Variants in KLHL4 observed in about 807,000 individuals in gnomAD.
KLHL4 encodes the protein kelch like family member 4.
Under a neutral mutation model 45.8 loss-of-function variants are expected in KLHL4, and 17 were observed. The observed-to-expected ratio is 0.37, with a 90% CI of 0.25 to 0.56. KLHL4 has a LOEUF of 0.56. Among genes scored for constraint, KLHL4 ranks in the 20% least tolerant of loss-of-function variants. The pLI is 0.79. For synonymous variants in KLHL4, 224 were observed against 189.9 expected (o/e 1.18, Z -1.47); for missense variants, 544 against 544.9 (o/e 1.00, Z 0.02).
chrX:87,572,594 A>G (rs4828182), intron 1 of KLHL4, among the ~76,000 whole-genome samples: 26,229 of 110,013 alleles, frequency 0.24, 2,653 homozygotes, highest in East Asian at 0.51. Context: ...AACCATTACA[A>G]TCAGATTTAC....
intron 1 of KLHL4, among the ~76,000 whole-genome samples, chrX:87,537,436 TACA>T (rs1931455739): frequency 9.0e-6 from 1 of 111,031 alleles, no homozygotes; most frequent in Non-Finnish European, 1.9e-5. Context: ...AAATGGAAAT[TACA>T]ACAATGATTC....
chrX:87,527,144 G>A (rs1041574885), intron 1 of KLHL4, among the ~76,000 whole-genome samples: 8 of 111,893 alleles, frequency 7.1e-5, no homozygotes, highest in Non-Finnish European at 1.5e-4. Context: ...AGTTTTCCCA[G>A]GCAGTTAGAA....
chrX:87,523,885 C>T (rs186843773), intron 1 of KLHL4, among the ~76,000 whole-genome samples: 162 of 111,059 alleles, frequency 1.5e-3, no homozygotes, highest in African/African-American at 4.8e-3. Flanking sequence ...ATTGCTTGAA[C>T]GCAGGAGGCA....
intron 1 of KLHL4, among the ~76,000 whole-genome samples, chrX:87,520,086 T>A (rs1222562263): frequency 8.9e-6 from 1 of 111,954 alleles, no homozygotes; most frequent in Non-Finnish European, 1.9e-5. Context: ...CAGGAAATGG[T>A]TTTATAGGTG....
chrX:87,632,920 A>C (rs767329642), intron 7 of KLHL4, among the ~76,000 whole-genome samples: 1 of 111,360 alleles, frequency 9.0e-6, no homozygotes, highest in African/African-American at 3.3e-5. Flanking sequence ...CCTTTTTTTT[A>C]ATCTGATTTT....
At chrX:87,551,386 G>T (rs995644826) in intron 1 of KLHL4, among the ~76,000 whole-genome samples, 2 of 111,376 alleles carry the variant, frequency 1.8e-5, no homozygotes, top group Non-Finnish European at 3.8e-5. Flanking sequence ...CATGCTCACA[G>T]ATGGGTAGAA....
chrX:87,587,150 C>CAAAAAAAAAAAAAA (rs1197848253), intron 1 of KLHL4, among the ~76,000 whole-genome samples: 2 of 47,810 alleles, frequency 4.2e-5, no homozygotes, highest in African/African-American at 8.1e-5. Flanking sequence ...TAAAATAAAG[C>CAAAAAAAAAAAAAA]AAAAAAAAAA....
chrX:87,640,218 A>T (rs1923407197), intron 9 of KLHL4, among the ~76,000 whole-genome samples: 1 of 111,484 alleles, frequency 9.0e-6, no homozygotes, highest in African/African-American at 3.3e-5. Flanking sequence ...CCAACAAAAA[A>T]AGTCTAGGTC....
At chrX:87,600,440 G>A (rs1253614470) in intron 1 of KLHL4, among the ~76,000 whole-genome samples, 2 of 102,170 alleles carry the variant, frequency 2.0e-5, no homozygotes, top group African/African-American at 3.6e-5. Flanking sequence ...CTGAGATGGC[G>A]CCACTGCACT....
chrX:87,528,673 G>T (rs1440028284), intron 1 of KLHL4, among the ~76,000 whole-genome samples: 1 of 81,522 alleles, frequency 1.2e-5, no homozygotes, highest in African/African-American at 4.9e-5. Flanking sequence ...CCAAGATTGC[G>T]CCACTGCATT....
intron 1 of KLHL4, among the ~76,000 whole-genome samples, chrX:87,602,032 A>C (rs1293602709): frequency 9.0e-6 from 1 of 111,113 alleles, no homozygotes; most frequent in Non-Finnish European, 1.9e-5. Context: ...AAAAAGCAAA[A>C]TTAATAAATA....
chrX:87,573,565 A>G (rs997166035), intron 1 of KLHL4, among the ~76,000 whole-genome samples: 30 of 111,378 alleles, frequency 2.7e-4, no homozygotes, highest in Non-Finnish European at 5.1e-4. Flanking sequence ...TATATGAAGT[A>G]TTAGTATTAT....
intron 1 of KLHL4, among the ~76,000 whole-genome samples, chrX:87,591,612 C>T (rs188127020): frequency 3.6e-5 from 4 of 111,748 alleles, no homozygotes; most frequent in African/African-American, 1.3e-4. Flanking sequence ...TGTCTTCACT[C>T]TATGGTTGCC....
At position 87,549,541 on chromosome X, in the gene KLHL4, G is replaced by A. The variant is rs188712703; in HGVS notation, c.422+31226G>A. Among the ~76,000 whole-genome samples, 402 of 111,260 alleles carry A rather than the reference G, an allele frequency of 3.6e-3. 6 individuals are homozygous for A. In the South Asian group the frequency reaches 0.052, roughly 14 times the overall value. ...GTTAGGTCACAAAATAAGTCTTCAC[G>A]CATTGAAAATTTTAAACAATATGAA... On this transcript the variant is annotated intron_variant, in intron 1 of 10. Coordinates refer to ENST00000373119, the MANE Select transcript of KLHL4 (RefSeq NM_019117.5).
chrX:87,560,959 T>C (rs1217971040), intron 1 of KLHL4, among the ~76,000 whole-genome samples: 1 of 111,219 alleles, frequency 9.0e-6, no homozygotes, highest in Non-Finnish European at 1.9e-5. Context: ...TGCAGAAGAA[T>C]GAAACTAGCC....
chrX:87,567,186 C>T (rs1932231243), intron 1 of KLHL4, among the ~76,000 whole-genome samples: 1 of 111,265 alleles, frequency 9.0e-6, no homozygotes. Flanking sequence ...CGGCAGCTAA[C>T]ATCATATATC....
At chrX:87,642,602 G>A (rs1923500554) in intron 9 of KLHL4, among the ~76,000 whole-genome samples, 1 of 112,293 alleles carries the variant, frequency 8.9e-6, no homozygotes, top group East Asian at 2.8e-4. Flanking sequence ...AAGCTAATCA[G>A]GGAGGGACCA....
chrX:87,528,706 C>CAAAAAAAAAAAAA lies in KLHL4; in HGVS notation c.422+10410_422+10422dup, dbSNP rs1160857135. Reference sequence around the variant, plus strand: ...ATTCCAGCCTGGTAACAAAGCGAGACAAAAAAAAAAAAAAAAAAAAAAAAA... The same window carrying CAAAAAAAAAAAAA: ...ATTCCAGCCTGGTAACAAAGCGAGACAAAAAAAAAAAAAAAAAAAAAAAAAAAAAAAAAAAAAA... On this transcript the variant is annotated intron_variant, in intron 1 of 10. Coordinates refer to ENST00000373119, the MANE Select transcript of KLHL4 (RefSeq NM_019117.5). Among the ~76,000 whole-genome samples the CAAAAAAAAAAAAA allele has an allele frequency of 9.5e-5, 3 of 31,495 alleles. 1 individual carries two copies. The highest frequency in any genetic ancestry group is 1.3e-4 in the African/African-American group (1 of 7,789). 27.3% of individuals were successfully genotyped at this position (31,495 alleles called of 115,157 possible). A position where few individuals can be genotyped will look rare whatever the true frequency, so the allele number is the denominator to read the frequency against.
chrX:87,553,212 G>T (rs924169711), intron 1 of KLHL4, among the ~76,000 whole-genome samples: 1 of 110,816 alleles, frequency 9.0e-6, no homozygotes. Flanking sequence ...GTGGAGGACA[G>T]ACTTGAAACA....
Sources: allele counts gnomAD v4.1 joint callset (sites outside exome capture counted in the v4.1 genomes callset), GRCh38; gene constraint gnomAD v4.1.1; transcripts MANE v1.5; gene names NCBI Gene and HGNC (gene_info 2026-07-23, HGNC 2026-07-21).